Variants in RAI1 observed in about 807,000 individuals in gnomAD.
RAI1 encodes the protein retinoic acid-induced protein 1.
Under a neutral mutation model 123.8 loss-of-function variants are expected in RAI1, and 9 were observed. The observed-to-expected ratio is 0.07, with a 90% CI of 0.04 to 0.13. The LOEUF (loss-of-function observed/expected upper bound fraction) is 0.13. Ranked by LOEUF, RAI1 falls within the 10% of genes least tolerant of loss-of-function variation. RAI1 has a pLI of 1.00. For synonymous variants in RAI1, 1,231 were observed against 1,127.3 expected (o/e 1.09, Z -1.84); for missense variants, 2,256 against 2,545.8 (o/e 0.89, Z 2.45).
intron 2 of RAI1, among the ~76,000 whole-genome samples, chr17:17,790,251 G>C (rs2031965529): frequency 6.6e-6 from 1 of 152,242 alleles, no homozygotes; most frequent in South Asian, 2.1e-4. Flanking sequence ...GCTGGCAGTG[G>C]GACCTGGCTG....
At chr17:17,778,593 G>T (rs1427454713) in intron 2 of RAI1, 6 of 386,204 alleles carry the variant, frequency 1.6e-5, no homozygotes, top group Non-Finnish European at 5.2e-6. Flanking sequence ...ATCAGAGTGG[G>T]CATGGGGGCA....
chr17:17,762,526 C>T (rs2030746955), intron 2 of RAI1, among the ~76,000 whole-genome samples: 1 of 152,200 alleles, frequency 6.6e-6, no homozygotes, highest in Admixed American at 6.5e-5. Context: ...AGCAGGAGAT[C>T]TGGCTCTCAG....
rs1009205397 is a variant in RAI1, at chr17:17,809,293, C to G, written c.5660-97C>G. ...AAAGAGCCCCTGCAGTCTGGAGCCT[C>G]GCGGGCAGTGCGGCTCCCCTCCTGG... On this transcript the variant is annotated intron_variant, in intron 4 of 5. Transcript: ENST00000353383. This position sits in a 1 kb window ranked among gnomAD's most constrained non-coding sequence, Gnocchi z 4.9. 1 of 1,047,456 alleles carries G rather than the reference C, an allele frequency of 9.5e-7. No homozygotes were observed. The highest frequency in any genetic ancestry group is 1.5e-6 in the Non-Finnish European group (1 of 665,608). The allele number at this position is 1,047,456 out of a possible 1,614,324, so 64.9% of individuals were successfully genotyped here.
intron 2 of RAI1, among the ~76,000 whole-genome samples, chr17:17,758,710 A>G (rs1056199723): frequency 1.3e-5 from 2 of 152,232 alleles, no homozygotes; most frequent in Non-Finnish European, 2.9e-5. Flanking sequence ...GCAGTTGTGC[A>G]ATGATCAACG....
Position 17,793,163 on chromosome 17 carries a change from C to T in RAI1, c.215C>T (p.Ala72Val), listed in dbSNP as rs772784544. The T allele has an allele frequency of 8.1e-6, 13 of 1,612,898 alleles. No homozygotes were observed. The highest frequency in any genetic ancestry group is 4.4e-5 in the South Asian group (4 of 91,028). The part of the protein sequence containing the change: ...GAGTPSGTAA[A>V]VAADKYHRGS... ...GGCACGCCCTCTGGCACTGCAGCCG[C>T]GGTGGCCGCCGACAAGTACCACCGA... Residue 72 changes from alanine to valine, a missense_variant, in exon 3 of 6, where the codon GCG (alanine) becomes GTG (valine). Ala to Val is a moderately conservative substitution (Grantham distance 64). Coordinates refer to ENST00000353383, the MANE Select transcript of RAI1 (RefSeq NM_030665.4).
rs2032225377 is a variant in RAI1 at position 17,795,949 on chromosome 17, C to T, written c.3001C>T (p.Arg1001Cys). ...PVPRGKSLRS[R>C]RVHRGLPEAE... is the part of the protein sequence containing the mutation. ...GCCACGGGGCAAAAGCTTACGGAGC[C>T]GTCGGGTGCACCGGGGGCTGCCCGA... The change falls in exon 3 of 6, where the codon CGT becomes TGT. Residue 1001 changes from arginine to cysteine, a missense_variant. Physicochemically the swap from Arg to Cys is radical, Grantham distance 180. Coordinates refer to ENST00000353383, the MANE Select transcript of RAI1 (RefSeq NM_030665.4). The surrounding 1 kb of genome is among the most constrained non-coding windows in gnomAD (Gnocchi z 5.9). The T allele has an allele frequency of 1.9e-6, 3 of 1,606,472 alleles. No homozygotes were observed. Among genetic ancestry groups the T allele is most frequent in the East Asian group, 2.2e-5 (1 of 44,754 alleles).
At chr17:17,803,008 CAGGAGGCAGCGG>C (rs1474465477) in intron 3 of RAI1, among the ~76,000 whole-genome samples, 2 of 148,988 alleles carry the variant, frequency 1.3e-5, no homozygotes, top group Non-Finnish European at 1.5e-5. Flanking sequence ...CACTTGAACA[CAGGAGGCAGCGG>C]TTGCCGTGAG....
rs771536881 is a variant in RAI1 at position 17,796,837 on chromosome 17, A to C, written c.3889A>C (p.Thr1297Pro). 1.2e-6 allele frequency: 2 copies of C among 1,610,600 alleles called. No homozygotes were observed. Among genetic ancestry groups the C allele is most frequent in the Non-Finnish European group, 8.5e-7 (1 of 1,178,296 alleles). ...TGCCACAAAGCTCCCACCCCCGGAG[A>C]CCCCCGATGCCTGCCTCAAGCTCGC... ...EPATKLPPPE[T>P]PDACLKLASR... Residue 1297 changes from threonine (T) to proline (P), a missense_variant, in exon 3 of 6, where the codon ACC (threonine) becomes CCC (proline). By Grantham distance (38) the Thr-to-Pro change is conservative (BLOSUM62 -1). Around this residue, in one of 7 missense-constraint regions of RAI1, gnomAD observed 322 missense variants for 358.0 expected, o/e 0.90. Coordinates refer to ENST00000353383, the MANE Select transcript of RAI1 (RefSeq NM_030665.4). The surrounding 1 kb of genome is among the most constrained non-coding windows in gnomAD (Gnocchi z 5.8).
At position 17,792,070 on chromosome 17, in the gene RAI1, C is replaced by T. The variant is rs148672244; in HGVS notation, c.-16-863C>T. Among the ~76,000 whole-genome samples the T allele has an allele frequency of 6.3e-3, 952 of 152,214 alleles. 6 individuals are homozygous for T. The highest frequency in any genetic ancestry group is 0.014 in the Middle Eastern group (4 of 294). Reference sequence around the variant, plus strand: ...GGGCTGGGCTGTGCCCTTCCGTGGCCGTGGCCCTGGGACTGCATCTCTACT... The same window carrying T: ...GGGCTGGGCTGTGCCCTTCCGTGGCTGTGGCCCTGGGACTGCATCTCTACT... On this transcript the variant is annotated intron_variant, in intron 2 of 5. Coordinates refer to ENST00000353383, the MANE Select transcript of RAI1 (RefSeq NM_030665.4).
At chr17:17,720,489 G>A (rs1371446765) in intron 1 of RAI1, among the ~76,000 whole-genome samples, 1 of 152,220 alleles carries the variant, frequency 6.6e-6, no homozygotes, top group African/African-American at 2.4e-5. Context: ...TGGGTGCTGG[G>A]TGCTGGTTGC....
At chr17:17,803,386 T>G (rs545419441) in intron 3 of RAI1, among the ~76,000 whole-genome samples, 24 of 152,070 alleles carry the variant, frequency 1.6e-4, no homozygotes, top group Admixed American at 4.6e-4. Flanking sequence ...TTTGTGTTTT[T>G]TTTGTTTGTT....
intron 2 of RAI1, among the ~76,000 whole-genome samples, chr17:17,751,660 C>T (rs1201470360): frequency 2.0e-5 from 3 of 152,250 alleles, no homozygotes; most frequent in African/African-American, 7.2e-5. Context: ...TGCCTTGGGC[C>T]TTTGCACGCA....
At chr17:17,728,743 G>A (rs916156062) in intron 2 of RAI1, among the ~76,000 whole-genome samples, 4 of 152,238 alleles carry the variant, frequency 2.6e-5, no homozygotes, top group Non-Finnish European at 4.4e-5. Context: ...GCAAGTCAGC[G>A]CTTGTGGTTC....
intron 1 of RAI1, among the ~76,000 whole-genome samples, chr17:17,722,967 G>T (rs1409850516): frequency 2.0e-5 from 3 of 152,036 alleles, no homozygotes; most frequent in Non-Finnish European, 4.4e-5. Context: ...ACCCCCACCC[G>T]CCAGGCCTCA....
rs114580044 is a variant in RAI1, at chr17:17,728,119, G to T, written c.-17+3960G>T. On this transcript the variant is annotated intron_variant, in intron 2 of 5. Transcript: ENST00000353383. Reference sequence around the variant, plus strand: ...TCTCTGATCCCATTTGTGCATTTCTGGGGGGAAGGGAGGGTGCCCCCGAGC... The same window carrying T: ...TCTCTGATCCCATTTGTGCATTTCTTGGGGGAAGGGAGGGTGCCCCCGAGC... Among the ~76,000 whole-genome samples the T allele has an allele frequency of 3.5e-3, 530 of 152,102 alleles. 2 individuals are homozygous for T. The highest frequency in any genetic ancestry group is 0.012 in the African/African-American group (493 of 41,468).
intron 2 of RAI1, among the ~76,000 whole-genome samples, chr17:17,782,710 G>A (rs2031638884): frequency 6.6e-6 from 1 of 151,662 alleles, no homozygotes; most frequent in African/African-American, 2.4e-5. Flanking sequence ...GCGGGGCTGT[G>A]CCGCGGCCTG....
At position 17,793,140 on chromosome 17, in the gene RAI1, C is replaced by T; in HGVS notation, c.192C>T (p.Gly64=). The T allele has an allele frequency of 1.9e-6, 3 of 1,613,788 alleles. No homozygotes were observed. The highest frequency in any genetic ancestry group is 2.2e-5 in the South Asian group (2 of 91,082). ...ACCCGAGCTATGAGGGTGGCGCTGG[C>T]ACGCCCTCTGGCACTGCAGCCGCGG... ...QPYPSYEGGA[G]TPSGTAAAVA... is the part of the protein sequence containing the mutation. Residue 64 remains glycine (G), a synonymous_variant, in exon 3 of 6, where the codon GGC becomes GGT. Coordinates refer to ENST00000353383, the MANE Select transcript of RAI1 (RefSeq NM_030665.4).
At chr17:17,704,268 A>G (rs1235823373) in intron 1 of RAI1, among the ~76,000 whole-genome samples, 2 of 152,232 alleles carry the variant, frequency 1.3e-5, no homozygotes, top group Non-Finnish European at 2.9e-5. Context: ...TCAGCCCTGC[A>G]CAAGGTGTGA....
intron 2 of RAI1, chr17:17,766,406 G>T (rs2030934100): frequency 1.3e-5 from 2 of 152,224 alleles, no homozygotes; most frequent in South Asian, 4.1e-4. Context: ...AGGCTTTGAT[G>T]CGAGCCACCA....
Sources: gnomAD v4.1 joint callset for allele counts (sites outside exome capture counted in the v4.1 genomes callset) on GRCh38, gnomAD v4.1.1 for gene constraint, gnomAD v4.1.1 regional missense constraint, Gnocchi (gnomAD v3.1) non-coding constraint, MANE v1.5 for transcripts, NCBI Gene and HGNC (gene_info 2026-07-23, HGNC 2026-07-21) for gene names.